The following SLC2A13 variants were observed in gnomAD, a reference collection of about 807,000 sequenced individuals.
SLC2A13 encodes the protein solute carrier family 2 member 13, also known as proton myo-inositol cotransporter.
SLC2A13 carries 32 observed loss-of-function variants against 64.4 expected under a neutral mutation model. That is an observed-to-expected ratio of 0.50 (90% CI 0.37 to 0.67). The LOEUF is 0.67. SLC2A13 is among the 30% of genes least tolerant of loss of function. SLC2A13 has a pLI of 0.00. For missense variants in SLC2A13, 743 were observed against 829.2 expected, an observed-to-expected ratio of 0.90 and a Z score of 1.28; for synonymous variants, 338 against 327.1, an observed-to-expected ratio of 1.03 and a Z score of -0.36.
At chr12:40,012,009 C>G (rs1326593575) in intron 3 of SLC2A13, among the ~76,000 whole-genome samples, 1 of 152,196 alleles carries the variant, frequency 6.6e-6, no homozygotes, top group African/African-American at 2.4e-5. Flanking sequence ...ATTCCTGTCA[C>G]TCTTTCCACT....
chr12:40,069,610 G>A (rs1017181432), intron 1 of SLC2A13, among the ~76,000 whole-genome samples: 3 of 151,298 alleles, frequency 2.0e-5, no homozygotes, highest in African/African-American at 7.3e-5. Flanking sequence ...TGGAAATGCA[G>A]AATATATGAA....
At chr12:39,991,594 T>A (rs895238813) in intron 3 of SLC2A13, among the ~76,000 whole-genome samples, 1 of 152,192 alleles carries the variant, frequency 6.6e-6, no homozygotes, top group Non-Finnish European at 1.5e-5. Flanking sequence ...TCTTCCCACA[T>A]GGGTGCTCTC....
At position 39,893,962 on chromosome 12, in the gene SLC2A13, C is replaced by T. The variant is rs375294536; in HGVS notation, c.1035-22001G>A. On this transcript the variant is annotated intron_variant, in intron 4 of 9. Coordinates refer to ENST00000280871, the MANE Select transcript of SLC2A13 (RefSeq NM_052885.4). ...ATTAACGTGTTAGTAGGAAGTAACA[C>T]AGATGCTGAAAAAATGGTGAGATGT... Among the ~76,000 whole-genome samples the T allele has an allele frequency of 5.3e-5, 8 of 152,246 alleles. No individual in the cohort carries two copies. In the East Asian group the frequency reaches 9.6e-4, roughly 18 times the overall value.
At chr12:39,833,131 C>G (rs893588641) in intron 6 of SLC2A13, among the ~76,000 whole-genome samples, 12 of 152,094 alleles carry the variant, frequency 7.9e-5, no homozygotes, top group African/African-American at 2.7e-4. Context: ...TGGCGTACCA[C>G]TTACTCTGTA....
intron 7 of SLC2A13, among the ~76,000 whole-genome samples, chr12:39,801,626 G>A (rs1031954012): frequency 6.6e-6 from 1 of 152,102 alleles, no homozygotes; most frequent in African/African-American, 2.4e-5. Flanking sequence ...GGAAAAAGAG[G>A]GTAGAATTAG....
chr12:39,923,704 A>ACACACG (rs1945663247), intron 4 of SLC2A13, among the ~76,000 whole-genome samples: 1 of 151,346 alleles, frequency 6.6e-6, no homozygotes, highest in Non-Finnish European at 1.5e-5. Flanking sequence ...GCGCACACAC[A>ACACACG]CACACACACA....
chr12:40,033,903 G>A (rs990157784), intron 2 of SLC2A13, among the ~76,000 whole-genome samples: 4 of 152,184 alleles, frequency 2.6e-5, no homozygotes, highest in African/African-American at 9.6e-5. Flanking sequence ...CATCCCAAAG[G>A]TTTCCCCAAG....
chr12:39,789,263 C>T (rs951858485), intron 7 of SLC2A13, among the ~76,000 whole-genome samples: 5 of 152,070 alleles, frequency 3.3e-5, no homozygotes, highest in African/African-American at 9.7e-5. Context: ...CCTAAAAATA[C>T]ATATCACTTG....
At chr12:39,788,062 T>A (rs1027873350) in intron 7 of SLC2A13, among the ~76,000 whole-genome samples, 2 of 152,150 alleles carry the variant, frequency 1.3e-5, no homozygotes, top group Admixed American at 1.3e-4. Context: ...CTATTACTCA[T>A]ACTTGTTGTG....
chr12:40,058,091 T>A (rs377277419), intron 1 of SLC2A13, among the ~76,000 whole-genome samples: 104 of 133,376 alleles, frequency 7.8e-4, no homozygotes, highest in African/African-American at 1.7e-3. Flanking sequence ...ATAGATAGAT[T>A]GATTTACTAT....
chr12:40,101,917 A>G (rs1222337221), intron 1 of SLC2A13, among the ~76,000 whole-genome samples: 1 of 142,148 alleles, frequency 7.0e-6, no homozygotes. Context: ...CCTCAGACTC[A>G]GGAAGATTAA....
At chr12:39,925,030 A>ATTTTTTT (rs58902176) in intron 4 of SLC2A13, among the ~76,000 whole-genome samples, 5 of 119,130 alleles carry the variant, frequency 4.2e-5, no homozygotes, top group Non-Finnish European at 8.5e-5. Context: ...CATACAGATA[A>ATTTTTTT]TTTTTTTTTT....
At chr12:40,013,036 A>G (rs1410316647) in intron 3 of SLC2A13, among the ~76,000 whole-genome samples, 1 of 152,212 alleles carries the variant, frequency 6.6e-6, no homozygotes, top group East Asian at 1.9e-4. Context: ...AGACATAAGG[A>G]GACAGTAAAG....
intron 3 of SLC2A13, among the ~76,000 whole-genome samples, chr12:39,986,699 C>CAAA (rs144185678): frequency 7.2e-6 from 1 of 138,480 alleles, no homozygotes; most frequent in Non-Finnish European, 1.6e-5. Context: ...TCTTAGCAGA[C>CAAA]AAAAAAAAAA....
intron 3 of SLC2A13, among the ~76,000 whole-genome samples, chr12:39,988,684 AGGG>A (rs1947075932): frequency 2.4e-5 from 2 of 81,712 alleles, no homozygotes; most frequent in Admixed American, 3.6e-4. Flanking sequence ...GGAAGAAGGG[AGGG>A]AGGGAGGAAG....
At chr12:40,049,230 G>T (rs984567921) in intron 1 of SLC2A13, among the ~76,000 whole-genome samples, 2 of 151,234 alleles carry the variant, frequency 1.3e-5, no homozygotes, top group Non-Finnish European at 2.9e-5. Flanking sequence ...AAAAAAGATT[G>T]CCTAAAAAAT....
At chr12:40,065,853 G>A (rs984030273) in intron 1 of SLC2A13, among the ~76,000 whole-genome samples, 2 of 152,122 alleles carry the variant, frequency 1.3e-5, no homozygotes, top group Non-Finnish European at 2.9e-5. Context: ...TCTCACAAAA[G>A]CACGTTGAAA....
chr12:39,841,915 G>A (rs1263603582), intron 6 of SLC2A13, among the ~76,000 whole-genome samples: 5 of 152,048 alleles, frequency 3.3e-5, no homozygotes, highest in Admixed American at 1.3e-4. Flanking sequence ...ATTTTATCAT[G>A]AGCCTTATTG....
chr12:40,004,869 G>C (rs1403280143), intron 3 of SLC2A13, among the ~76,000 whole-genome samples: 1 of 152,138 alleles, frequency 6.6e-6, no homozygotes, highest in Admixed American at 6.5e-5. Flanking sequence ...AATCATAAGA[G>C]AGAAAAATAT....
Sources: gnomAD v4.1 joint callset for allele counts (sites outside exome capture counted in the v4.1 genomes callset) on GRCh38, gnomAD v4.1.1 for gene constraint, MANE v1.5 for transcripts, NCBI Gene and HGNC (gene_info 2026-07-23, HGNC 2026-07-21) for gene names.